ATP7B: variants seen among roughly 807,000 people sequenced by gnomAD.
ATP7B encodes the protein copper-transporting ATPase 2.
Under a neutral mutation model 118.9 loss-of-function variants are expected in ATP7B, and 113 were observed. The ratio of observed to expected loss-of-function variants is 0.95; its 90% CI spans 0.82 to 1.11. ATP7B has a LOEUF of 1.11. ATP7B is among the 50% of genes most tolerant of loss of function. ATP7B has a pLI of 0.00. For missense variants in ATP7B, 1,867 were observed against 1,871.4 expected, an observed-to-expected ratio of 1.00 and a Z score of 0.04; for synonymous variants, 777 against 727.4, an observed-to-expected ratio of 1.07 and a Z score of -1.10.
intron 19 of ATP7B, among the ~76,000 whole-genome samples, chr13:51,936,711 G>A (rs1956987043): frequency 1.3e-5 from 2 of 152,016 alleles, no homozygotes; most frequent in South Asian, 4.1e-4. Flanking sequence ...ATTTTTTGTA[G>A]AGATGGAGTC....
intron 1 of ATP7B, chr13:51,995,316 G>T (rs1035868504): frequency 1.0e-6 from 1 of 985,252 alleles, no homozygotes; most frequent in African/African-American, 1.7e-5. Flanking sequence ...GCACTGACCT[G>T]ACTGGAACTC....
chr13:51,977,135 C>A (rs189233130), intron 1 of ATP7B, among the ~76,000 whole-genome samples: 60 of 152,122 alleles, frequency 3.9e-4, no homozygotes, highest in Admixed American at 3.6e-3. Context: ...TGTACTCTAG[C>A]CTGGGAGACA....
In ATP7B at chr13:51,939,056, T is replaced by TACCA; in HGVS notation, c.3693_3694insTGGT (p.Thr1232TrpfsTer28). 3 of 1,614,246 alleles carry TACCA rather than the reference T, an allele frequency of 1.9e-6. No individual in the cohort carries two copies. Among genetic ancestry groups the TACCA allele is most frequent in the Non-Finnish European group, 2.5e-6 (3 of 1,180,032 alleles). ...GCAACATTAAAGGGCTGTACCTGGG[T>TACCA]GGCAATAGCTCTGGCTGTCTTCCGG... On this transcript the variant is annotated frameshift_variant, in exon 17 of 21. Coordinates refer to ENST00000242839, the MANE Select transcript of ATP7B (RefSeq NM_000053.4). LOFTEE classifies it high-confidence loss of function.
At chr13:51,967,229 T>C (rs1951598653) in intron 4 of ATP7B, 3 of 1,017,116 alleles carry the variant, frequency 2.9e-6, no homozygotes, top group African/African-American at 3.2e-5. Context: ...CCATACTGTT[T>C]CTTTCTTTTT....
At chr13:51,992,979 C>CAAAAAA (rs58319382) in intron 1 of ATP7B, among the ~76,000 whole-genome samples, 26 of 62,922 alleles carry the variant, frequency 4.1e-4, no homozygotes, top group Middle Eastern at 0.019. Flanking sequence ...GACTCTGTCT[C>CAAAAAA]AAAAAAAAAA....
At chr13:51,946,744 GCAGACTCTGGAGATGGACCACA>G (rs1304501120) in intron 12 of ATP7B, among the ~76,000 whole-genome samples, 1 of 152,192 alleles carries the variant, frequency 6.6e-6, no homozygotes, top group Admixed American at 6.5e-5. Flanking sequence ...ATAGGGGAAA[GCAGACTCTGGAGATGGACCACA>G]CAGATCCAGA....
chr13:51,960,395 T>G, intron 6 of ATP7B, 73 bp from the exon 7 acceptor site: 1 of 1,555,416 alleles, frequency 6.4e-7, no homozygotes, highest in Non-Finnish European at 8.7e-7. Context: ...ACTCCCCTTC[T>G]GAGGACACAG....
chr13:51,975,734 A>G (rs1283674370), intron 1 of ATP7B, among the ~76,000 whole-genome samples: 2 of 152,226 alleles, frequency 1.3e-5, no homozygotes, highest in Non-Finnish European at 2.9e-5. Context: ...ACACGCTCCA[A>G]ATGCAGACTT....
chr13:51,995,375 G>A, intron 1 of ATP7B: 1 of 983,666 alleles, frequency 1.0e-6, no homozygotes, highest in Non-Finnish European at 1.2e-6. Context: ...TCCTTCCTCT[G>A]ACGGTGGAGT....
intron 8 of ATP7B, 199 bp from the exon 9 acceptor site, chr13:51,957,806 G>A (rs1832447401): frequency 5.0e-6 from 3 of 602,158 alleles, no homozygotes; most frequent in Non-Finnish European, 9.0e-6. Context: ...GATGCACAGT[G>A]CCTGTGCCAC....
chr13:51,941,256 T>C, intron 15 of ATP7B, 32 bp from the exon 16 acceptor site: 2 of 1,612,756 alleles, frequency 1.2e-6, no homozygotes, highest in South Asian at 1.1e-5. Flanking sequence ...TATTTCTAAA[T>C]GGTCCAATTT....
chr13:51,942,320 T>C (rs1957382594), intron 15 of ATP7B, 66 bp downstream of exon 15: 1 of 1,605,944 alleles, frequency 6.2e-7, no homozygotes, highest in African/African-American at 1.3e-5. Context: ...CTGCTGGGCG[T>C]GGTGCTCTCT....
chr13:51,978,101 A>G (rs1031159872), intron 1 of ATP7B, among the ~76,000 whole-genome samples: 8 of 152,194 alleles, frequency 5.3e-5, no homozygotes, highest in Middle Eastern at 3.2e-3. Flanking sequence ...ATGACCAACA[A>G]ACCAGAACAA....
Position 51,941,166 on chromosome 13 carries a change from G to A in ATP7B, c.3471C>T (p.Asn1157=), listed in dbSNP as rs764481833. The A allele has an allele frequency of 7.4e-6, 12 of 1,614,050 alleles. No individual in the cohort carries two copies. Among genetic ancestry groups the A allele is most frequent in the Middle Eastern group, 1.6e-4 (1 of 6,084 alleles). Residue 1157 remains asparagine, a synonymous_variant, in exon 16 of 21, where the codon AAC becomes AAT. Transcript: ENST00000242839. The part of the protein sequence containing the change: ...LIGNREWLRR[N]GLTISSDVSD... ...TGACATCGCTAGAAATGGTTAAACC[G>A]TTGCGCCTCAGCCACTCACGGTTTC...
intron 5 of ATP7B, among the ~76,000 whole-genome samples, chr13:51,964,414 C>T (rs371629823): frequency 5.3e-5 from 8 of 152,160 alleles, no homozygotes; most frequent in African/African-American, 1.4e-4. Flanking sequence ...AAAATTCTCA[C>T]GGATTTTCCA....
chr13:52,001,286 TAA>T (rs1416141893), intron 1 of ATP7B, among the ~76,000 whole-genome samples: 1 of 152,170 alleles, frequency 6.6e-6, no homozygotes, highest in East Asian at 1.9e-4. Flanking sequence ...AGAATACCTA[TAA>T]GAGGAAGTCA....
chr13:52,005,393 T>C (rs775402732), intron 1 of ATP7B, among the ~76,000 whole-genome samples: 3 of 152,192 alleles, frequency 2.0e-5, no homozygotes, highest in Non-Finnish European at 4.4e-5. Context: ...CTTCATCTAG[T>C]TCATCATCTA....
Position 51,941,110 on chromosome 13 carries a change from C to T in ATP7B, c.3527G>A (p.Gly1176Glu), listed in dbSNP as rs1318758433. ...SDAMTDHEMK[G>E]QTAILVAIDG... The stretch of plus-strand genomic sequence containing the variant: ...AATAGCCACCAGGATGGCTGTCTGT[C>T]CTTTCATCTCGTGGTCTGTCATAGC... The change falls in exon 16 of 21, where the codon GGA (glycine) becomes GAA (glutamate). Residue 1176 changes from glycine to glutamate, a missense_variant. Physicochemically the swap from Gly to Glu is moderately conservative, Grantham distance 98. Transcript: ENST00000242839. 4 of 1,614,154 alleles carry T rather than the reference C, an allele frequency of 2.5e-6. No individual in the cohort carries two copies. The highest frequency in any genetic ancestry group is 3.4e-6 in the Non-Finnish European group (4 of 1,180,028).
chr13:51,939,325 G>A (rs1957175391), intron 16 of ATP7B, 132 bp from the exon 17 acceptor site: 12 of 1,419,942 alleles, frequency 8.5e-6, no homozygotes, highest in African/African-American at 1.4e-5. Flanking sequence ...AACACAATGT[G>A]GTTTTTTTGC....
Sources: gnomAD v4.1 joint callset for allele counts (sites outside exome capture counted in the v4.1 genomes callset) on GRCh38, gnomAD v4.1.1 for gene constraint, MANE v1.5 for transcripts, NCBI Gene and HGNC (gene_info 2026-07-23, HGNC 2026-07-21) for gene names.